The following CELA1 variants were observed in gnomAD, a reference collection of about 807,000 sequenced individuals.
CELA1 encodes chymotrypsin like elastase 1, also known as chymotrypsin-like elastase family member 1.
A neutral mutation model predicts 34.8 loss-of-function variants in CELA1; 28 were observed. The observed-to-expected ratio is 0.80, with a 90% CI of 0.60 to 1.10. The LOEUF is 1.10. CELA1 is among the 50% of genes least tolerant of loss of function. CELA1 has a pLI of 0.00. For synonymous variants in CELA1, 140 were observed against 129.8 expected (o/e 1.08, Z -0.53); for missense variants, 288 against 327.5 (o/e 0.88, Z 0.93).
chr12:51,339,491 C>A (rs529310711), intron 6 of CELA1, among the ~76,000 whole-genome samples: 1 of 152,166 alleles, frequency 6.6e-6, no homozygotes, highest in South Asian at 2.1e-4. Flanking sequence ...GCGGAGGTTG[C>A]AGTGAGCCGA....
At chr12:51,333,253 C>A (rs1469256802) in intron 6 of CELA1, among the ~76,000 whole-genome samples, 1 of 151,918 alleles carries the variant, frequency 6.6e-6, no homozygotes, top group African/African-American at 2.4e-5. Flanking sequence ...AACCACCACA[C>A]CTGGCTAATT....
rs1946544785 is a variant in CELA1 at position 51,342,715 on chromosome 12, G to A, written c.201-15C>T. ...AAGTCTTCTGGCTGGCGTGAGAGAAGGAATCCCTGAGTCATCCAGGGGACT... is the reference window on the plus strand; with the variant it reads ...AAGTCTTCTGGCTGGCGTGAGAGAAAGAATCCCTGAGTCATCCAGGGGACT... On this transcript the variant is annotated splice_polypyrimidine_tract_variant and intron_variant, in intron 3 of 7. Transcript: ENST00000293636. The A allele has an allele frequency of 1.9e-6, 3 of 1,613,868 alleles. No homozygotes were observed. The highest frequency in any genetic ancestry group is 2.5e-6 in the Non-Finnish European group (3 of 1,179,840).
chr12:51,344,694 T>A (rs1348205023), intron 2 of CELA1, among the ~76,000 whole-genome samples: 3 of 151,482 alleles, frequency 2.0e-5, no homozygotes, highest in Non-Finnish European at 2.9e-5. Flanking sequence ...CATCGCCCCC[T>A]CTCCTCCCCC....
intron 6 of CELA1, among the ~76,000 whole-genome samples, chr12:51,334,726 G>A (rs935399302): frequency 2.0e-5 from 3 of 152,266 alleles, no homozygotes; most frequent in East Asian, 3.9e-4. Flanking sequence ...GAGCCACTGC[G>A]CCTGGCCTAA....
chr12:51,330,672 A>T (rs1946464022), intron 6 of CELA1, among the ~76,000 whole-genome samples: 1 of 152,194 alleles, frequency 6.6e-6, no homozygotes, highest in African/African-American at 2.4e-5. Flanking sequence ...ATCACTAAAC[A>T]TCTAAAGAAT....
intron 6 of CELA1, among the ~76,000 whole-genome samples, chr12:51,338,763 T>A (rs1946515383): frequency 6.6e-6 from 1 of 152,204 alleles, no homozygotes; most frequent in African/African-American, 2.4e-5. Context: ...ACCTTAGCAC[T>A]TAGCACAATG....
In CELA1 at chr12:51,328,576, T is replaced by TCGCC. The variant is rs764547460; in HGVS notation, c.777_*1insGGCG. 6.2e-7 allele frequency: 1 copy of TCGCC among 1,614,054 alleles called. No individual in the cohort carries two copies. The highest frequency in any genetic ancestry group is 8.5e-7 in the Non-Finnish European group (1 of 1,179,998). On this transcript the variant is annotated 3_prime_UTR_variant, in exon 8 of 8. Transcript: ENST00000293636. ...GAAGGTCGTTGGACTCAGGAAAATG[T>TCGCC]TCAGTTGGAGGCGATGACCTGAAGG...
chr12:51,336,485 G>A (rs1946500244), intron 6 of CELA1, among the ~76,000 whole-genome samples: 1 of 152,164 alleles, frequency 6.6e-6, no homozygotes, highest in African/African-American at 2.4e-5. Flanking sequence ...AAATTAGCCA[G>A]GTGTTGTGGC....
At chr12:51,338,234 T>C (rs1203207408) in intron 6 of CELA1, among the ~76,000 whole-genome samples, 1 of 128,564 alleles carries the variant, frequency 7.8e-6, no homozygotes, top group African/African-American at 3.0e-5. Context: ...TGAGACTCCA[T>C]CTCAGGAAAA....
At position 51,343,833 on chromosome 12, in the gene CELA1, A is replaced by G; in HGVS notation, c.120T>C (p.Ser40=). ...WPSQISLQYR[S]GGSRYHTCGG... ...CACAGGTGTGATACCGGGAACCTCC[A>G]GACCGGTACTGGAGGGAAATCTAGA... The change falls in exon 3 of 8, where the codon TCT becomes TCC. Residue 40 remains serine (S), a synonymous_variant. Transcript: ENST00000293636. 1 of 1,600,046 alleles carries G rather than the reference A, an allele frequency of 6.2e-7. No individual in the cohort carries two copies. Among genetic ancestry groups the G allele is most frequent in the Non-Finnish European group, 8.6e-7 (1 of 1,168,736 alleles).
Position 51,337,742 on chromosome 12 carries a change from CTACAAAAAA to C in CELA1, c.609+2109_609+2117del, listed in dbSNP as rs1946509014. Among the ~76,000 whole-genome samples, 5 of 151,266 alleles carry C rather than the reference CTACAAAAAA, an allele frequency of 3.3e-5. No homozygotes were observed. The South Asian group carries it at 8.3e-4, about 25-fold the overall frequency. Reference sequence around the variant, plus strand: ...TGGGCAACATGGTGAAACCCTGTCTCTACAAAAAATACAAAAAATTAGCTGGGTATGGTG... The same window carrying C: ...TGGGCAACATGGTGAAACCCTGTCTCTACAAAAAATTAGCTGGGTATGGTG... On this transcript the variant is annotated intron_variant, in intron 6 of 7. Coordinates refer to ENST00000293636, the MANE Select transcript of CELA1 (RefSeq NM_001971.6).
At chr12:51,343,697 A>G in intron 3 of CELA1, 56 bp downstream of exon 3, 1 of 1,042,434 alleles carries the variant, frequency 9.6e-7, no homozygotes, top group South Asian at 1.3e-5. Flanking sequence ...CTCTTTCAGA[A>G]GGTCAGCCCC....
At chr12:51,331,795 G>A (rs1383494824) in intron 6 of CELA1, among the ~76,000 whole-genome samples, 3 of 152,212 alleles carry the variant, frequency 2.0e-5, no homozygotes, top group Non-Finnish European at 4.4e-5. Context: ...CAAATTAGTG[G>A]AGTGTGTGGG....
At chr12:51,339,429 G>T (rs544143541) in intron 6 of CELA1, among the ~76,000 whole-genome samples, 17 of 152,282 alleles carry the variant, frequency 1.1e-4, no homozygotes, top group African/African-American at 4.1e-4. Context: ...GTGCATGCCT[G>T]TAATCCCAGC....
intron 6 of CELA1, among the ~76,000 whole-genome samples, chr12:51,339,473 A>T (rs1946519637): frequency 6.6e-6 from 1 of 151,946 alleles, no homozygotes; most frequent in Admixed American, 6.6e-5. Flanking sequence ...AATTGCTTGA[A>T]CCCAGAGGCG....
rs1487676994 is a variant in CELA1 at position 51,343,828 on chromosome 12, C to A, written c.125G>T (p.Gly42Val). ...CCCTCCACAGGTGTGATACCGGGAA[C>A]CTCCAGACCGGTACTGGAGGGAAAT... ...SQISLQYRSGGSRYHTCGGTL... is the reference protein window; with the variant it reads ...SQISLQYRSGVSRYHTCGGTL... The change falls in exon 3 of 8, where the codon GGT (glycine) becomes GTT (valine). Residue 42 changes from glycine to valine, a missense_variant. Coordinates refer to ENST00000293636, the MANE Select transcript of CELA1 (RefSeq NM_001971.6). The A allele has an allele frequency of 1.2e-6, 2 of 1,603,776 alleles. No individual in the cohort carries two copies. The highest frequency in any genetic ancestry group is 2.7e-5 in the African/African-American group (2 of 74,690).
Position 51,339,936 on chromosome 12 carries a change from CT to C in CELA1, c.532del (p.Ser178AlafsTer9). 1 of 1,614,186 alleles carries C rather than the reference CT, an allele frequency of 6.2e-7. No individual in the cohort carries two copies. The highest frequency in any genetic ancestry group is 8.5e-7 in the Non-Finnish European group (1 of 1,180,020). On this transcript the variant is annotated frameshift_variant, in exon 6 of 8. Coordinates refer to ENST00000293636, the MANE Select transcript of CELA1 (RefSeq NM_001971.6). LOFTEE classifies it high-confidence loss of function. ...CACAGTGGAGCCCCAGTAGGAGGAG[CT>C]GGAGCAGATGGCGTAGTCCACAGAG... is the stretch of plus-strand genomic sequence containing the variant. ...LPSVDYAICSSSSYWGSTVKN... is the reference protein window; with the variant it reads ...LPSVDYAICSXSSYWGSTVKN...
At position 51,341,259 on chromosome 12, in the gene CELA1, A is replaced by AGCC; in HGVS notation, c.445_447dup (p.Gly149dup). On this transcript the variant is annotated inframe_insertion, in exon 5 of 8. Transcript: ENST00000293636. ...GGCAACTTACTCTTGGTCTTGCCCC[A>AGCC]GCCTGTGATGTAGCAGGGACTGTTG... is the stretch of plus-strand genomic sequence containing the variant. The AGCC allele has an allele frequency of 6.2e-7, 1 of 1,614,148 alleles. No individual in the cohort carries two copies. The highest frequency in any genetic ancestry group is 8.5e-7 in the Non-Finnish European group (1 of 1,180,002).
intron 5 of CELA1, 78 bp downstream of exon 5, chr12:51,341,166 C>G: frequency 6.6e-7 from 1 of 1,526,244 alleles, no homozygotes; most frequent in Non-Finnish European, 9.1e-7. Flanking sequence ...CACCTAGGAC[C>G]ACAGAAAAAG....
Sources: allele counts gnomAD v4.1 joint callset (sites outside exome capture counted in the v4.1 genomes callset), GRCh38; gene constraint gnomAD v4.1.1; transcripts MANE v1.5; gene names NCBI Gene and HGNC (gene_info 2026-07-23, HGNC 2026-07-21).